AFTPH: variants seen among roughly 807,000 people sequenced by gnomAD.
AFTPH encodes aftiphilin protein.
In AFTPH, 7 loss-of-function variants were observed where a neutral mutation model predicts 72.5. That is an observed-to-expected ratio of 0.10 (90% CI 0.05 to 0.18). AFTPH has a LOEUF of 0.18. Among genes scored for constraint, AFTPH ranks in the 10% least tolerant of loss-of-function variants. The probability of loss-of-function intolerance (pLI) is 1.00; values close to 1 mark genes in which losing one functional copy is unlikely to be tolerated. For missense variants in AFTPH, 979 were observed against 1,060.5 expected (o/e 0.92, Z 1.07); for synonymous variants, 337 against 370.1 (o/e 0.91, Z 1.03).
intron 6 of AFTPH, among the ~76,000 whole-genome samples, chr2:64,575,682 T>A (rs2104125995): frequency 6.7e-6 from 1 of 150,022 alleles, no homozygotes; most frequent in South Asian, 2.1e-4. Context: ...GAAAATTTTA[T>A]ATATATATGT....
Position 64,536,113 on chromosome 2 carries a change from C to T in AFTPH, c.-33+11501C>T, listed in dbSNP as rs190333155. 1.2e-3 allele frequency among the ~76,000 whole-genome samples: 190 copies of T among 152,130 alleles called. 2 individuals are homozygous for T. Among genetic ancestry groups the T allele is most frequent in the African/African-American group, 4.0e-3 (165 of 41,484 alleles). On this transcript the variant is annotated intron_variant, in intron 1 of 8. Transcript: ENST00000238856. ...CTTTTGAGTAGAGGTTGAATTCAGT[C>T]GTGGAATTGGAGAATAGGAGATACA... is the stretch of plus-strand genomic sequence containing the variant.
At chr2:64,568,291 G>T (rs1264420182) in intron 3 of AFTPH, among the ~76,000 whole-genome samples, 10 of 118,118 alleles carry the variant, frequency 8.5e-5, no homozygotes, top group Non-Finnish European at 1.7e-4. Context: ...AATCACGTAT[G>T]TATTGTTGAC....
intron 7 of AFTPH, among the ~76,000 whole-genome samples, chr2:64,582,462 TCTTA>T (rs1438971216): frequency 6.6e-6 from 1 of 152,168 alleles, no homozygotes; most frequent in African/African-American, 2.4e-5. Flanking sequence ...CCCTGGTTAT[TCTTA>T]CTGTTTTCAA....
At chr2:64,565,645 G>A (rs1185766112) in intron 2 of AFTPH, among the ~76,000 whole-genome samples, 1 of 152,088 alleles carries the variant, frequency 6.6e-6, no homozygotes. Context: ...GCCTGTTTTT[G>A]TAAATAAGTT....
chr2:64,578,022 A>G (rs1672928422), intron 6 of AFTPH, among the ~76,000 whole-genome samples: 1 of 152,110 alleles, frequency 6.6e-6, no homozygotes, highest in Admixed American at 6.5e-5. Flanking sequence ...CTGCCCCACA[A>G]CCATCCCTAT....
chr2:64,582,756 CTG>C (rs1264876732), intron 7 of AFTPH, among the ~76,000 whole-genome samples: 1 of 152,176 alleles, frequency 6.6e-6, no homozygotes, highest in Non-Finnish European at 1.5e-5. Context: ...AATGAGGTCA[CTG>C]TTTTTCTTTT....
At chr2:64,532,990 G>C (rs531571892) in intron 1 of AFTPH, among the ~76,000 whole-genome samples, 1 of 152,256 alleles carries the variant, frequency 6.6e-6, no homozygotes, top group Non-Finnish European at 1.5e-5. Flanking sequence ...CTTACGTAAT[G>C]CTTATTTGAT....
At chr2:64,588,375 A>G (rs1673631871) in intron 8 of AFTPH, among the ~76,000 whole-genome samples, 1 of 152,156 alleles carries the variant, frequency 6.6e-6, no homozygotes, top group Non-Finnish European at 1.5e-5. Flanking sequence ...CTTTTTGACT[A>G]TTATGAGTAG....
chr2:64,567,477 G>A, intron 2 of AFTPH, 85 bp from the exon 3 acceptor site: 2 of 1,401,644 alleles, frequency 1.4e-6, no homozygotes, highest in Non-Finnish European at 9.8e-7. Flanking sequence ...TGGACAGGGT[G>A]TGCGTGTGTT....
chr2:64,547,910 C>T (rs1670748618), intron 1 of AFTPH, among the ~76,000 whole-genome samples: 1 of 152,038 alleles, frequency 6.6e-6, no homozygotes, highest in South Asian at 2.1e-4. Context: ...CTTAGCCTCC[C>T]AAGTAGCTGG....
chr2:64,530,891 G>A lies in AFTPH; in HGVS notation c.-33+6279G>A, dbSNP rs183663428. Among the ~76,000 whole-genome samples, 797 of 151,642 alleles carry A rather than the reference G, an allele frequency of 5.3e-3. 9 individuals are homozygous for A. Among genetic ancestry groups the A allele is most frequent in the African/African-American group, 0.015 (639 of 41,312 alleles). On this transcript the variant is annotated intron_variant, in intron 1 of 8. Coordinates refer to ENST00000238856, the Ensembl canonical transcript of AFTPH. ...AGCCTGGCCAACATGGTAAAACCCCGTCTCTACTAAAAATACAAAAATTAG... is the reference window on the plus strand; with the variant it reads ...AGCCTGGCCAACATGGTAAAACCCCATCTCTACTAAAAATACAAAAATTAG...
chr2:64,529,558 A>T (rs1255559783), intron 1 of AFTPH, among the ~76,000 whole-genome samples: 1 of 151,768 alleles, frequency 6.6e-6, no homozygotes, highest in East Asian at 1.9e-4. Flanking sequence ...ACATATTTAA[A>T]TTTTTTAAAA....
At chr2:64,552,722 T>C in exon 2 of AFTPH, 1 of 1,614,154 alleles carries the variant, frequency 6.2e-7, no homozygotes, top group Non-Finnish European at 8.5e-7. Flanking sequence ...AAAATGGTGA[T>C]AGTAGTAATG....
intron 6 of AFTPH, among the ~76,000 whole-genome samples, chr2:64,575,423 C>T (rs370198769): frequency 2.0e-5 from 3 of 151,928 alleles, no homozygotes; most frequent in East Asian, 1.9e-4. Flanking sequence ...CCCAGGAGTT[C>T]GAGACCAGCC....
intron 1 of AFTPH, among the ~76,000 whole-genome samples, chr2:64,536,284 G>A (rs1249978906): frequency 2.6e-5 from 4 of 152,148 alleles, no homozygotes; most frequent in Admixed American, 6.5e-5. Context: ...ATAGGGAAGC[G>A]GCTGAGCATG....
chr2:64,555,900 T>A (rs1041193816), intron 2 of AFTPH, among the ~76,000 whole-genome samples: 1 of 152,168 alleles, frequency 6.6e-6, no homozygotes, highest in African/African-American at 2.4e-5. Flanking sequence ...AATTTAGCCC[T>A]TTTGGAGAGG....
At chr2:64,589,171 A>G (rs1673677253) in intron 8 of AFTPH, among the ~76,000 whole-genome samples, 1 of 152,164 alleles carries the variant, frequency 6.6e-6, no homozygotes, top group African/African-American at 2.4e-5. Flanking sequence ...GAGTTTTATA[A>G]TTTCAACTCT....
chr2:64,535,624 G>C (rs1669844908), intron 1 of AFTPH, among the ~76,000 whole-genome samples: 2 of 152,182 alleles, frequency 1.3e-5, no homozygotes, highest in African/African-American at 2.4e-5. Flanking sequence ...TAAGTACCTT[G>C]CACAGTACCT....
chr2:64,555,199 A>G (rs1348892042), intron 2 of AFTPH, among the ~76,000 whole-genome samples: 2 of 152,226 alleles, frequency 1.3e-5, no homozygotes, highest in Non-Finnish European at 2.9e-5. Context: ...GCTAGAAAAT[A>G]AGAATTTTAT....
Sources: allele counts gnomAD v4.1 joint callset (sites outside exome capture counted in the v4.1 genomes callset), GRCh38; gene constraint gnomAD v4.1.1; transcripts MANE v1.5; gene names NCBI Gene and HGNC (gene_info 2026-07-23, HGNC 2026-07-21).